The following ZMYM5 variants were observed in gnomAD, a reference collection of about 807,000 sequenced individuals.
The protein encoded by ZMYM5 is zinc finger MYM-type containing 5, also known as zinc finger MYM-type protein 5.
Under a neutral mutation model 61.8 loss-of-function variants are expected in ZMYM5, and 41 were observed. The ratio of observed to expected loss-of-function variants is 0.66; its 90% CI spans 0.52 to 0.86. The LOEUF is 0.86. Ranked by LOEUF, ZMYM5 falls within the 40% of genes least tolerant of loss-of-function variation. The pLI is 0.00. For synonymous variants in ZMYM5, 257 were observed against 276.4 expected, an observed-to-expected ratio of 0.93 and a Z score of 0.70; for missense variants, 706 against 786.7, an observed-to-expected ratio of 0.90 and a Z score of 1.23.
chr13:19,825,364 G>A (rs1402498984), intron 7 of ZMYM5, 129 bp from the exon 8 acceptor site: 4 of 895,908 alleles, frequency 4.5e-6, no homozygotes, highest in Non-Finnish European at 5.8e-6. Context: ...GACGACGACG[G>A]TCGGGTGCGG....
intron 2 of ZMYM5, among the ~76,000 whole-genome samples, chr13:19,853,608 T>C (rs567657215): frequency 9.9e-5 from 15 of 151,822 alleles, no homozygotes; most frequent in Middle Eastern, 3.4e-3. Context: ...TCAGTTTTTT[T>C]TTTCTTTCTT....
At chr13:19,825,363 G>A (rs1408992253) in intron 7 of ZMYM5, 128 bp from the exon 8 acceptor site, 7 of 890,784 alleles carry the variant, frequency 7.9e-6, no homozygotes, top group Non-Finnish European at 8.8e-6. Flanking sequence ...AGACGACGAC[G>A]GTCGGGTGCG....
chr13:19,846,538 C>T (rs979282062), intron 4 of ZMYM5, among the ~76,000 whole-genome samples: 1 of 151,820 alleles, frequency 6.6e-6, no homozygotes, highest in African/African-American at 2.4e-5. Context: ...CTCCTGAGGG[C>T]TGTGTCACTA....
intron 2 of ZMYM5, among the ~76,000 whole-genome samples, chr13:19,854,063 G>A (rs1953417988): frequency 6.6e-6 from 1 of 152,140 alleles, no homozygotes; most frequent in South Asian, 2.1e-4. Flanking sequence ...AGGCCAGAGT[G>A]CAGTGGTGCA....
At chr13:19,854,956 T>G (rs1052553315) in intron 2 of ZMYM5, among the ~76,000 whole-genome samples, 4 of 152,228 alleles carry the variant, frequency 2.6e-5, no homozygotes, top group Non-Finnish European at 4.4e-5. Context: ...TTTATTAAGA[T>G]GAGCCAATTC....
intron 2 of ZMYM5, among the ~76,000 whole-genome samples, chr13:19,852,571 A>G (rs538804418): frequency 1.3e-5 from 2 of 152,280 alleles, no homozygotes; most frequent in Admixed American, 1.3e-4. Context: ...ATATGGCCCT[A>G]TTTCCCAAGT....
chr13:19,853,052 AC>A (rs1431823853), intron 2 of ZMYM5, among the ~76,000 whole-genome samples: 1 of 152,158 alleles, frequency 6.6e-6, no homozygotes, highest in Non-Finnish European at 1.5e-5. Context: ...AGGTCTCACT[AC>A]ATTGCCCAGG....
rs768945532 is a variant in ZMYM5 at position 19,851,334 on chromosome 13, A to T, written c.586+21T>A. 3.2e-6 allele frequency: 5 copies of T among 1,586,566 alleles called. No individual in the cohort carries two copies. In the African/African-American group the frequency reaches 5.4e-5, roughly 17 times the overall value. On this transcript the variant is annotated intron_variant, in intron 4 of 7. Coordinates refer to ENST00000337963, the MANE Select transcript of ZMYM5 (RefSeq NM_001142684.2). Reference sequence around the variant, plus strand: ...AAAGGCTTATTTACTTGAGGTAGAAACAGTATCACTTACTGCTTACCAGGA... The same window carrying T: ...AAAGGCTTATTTACTTGAGGTAGAATCAGTATCACTTACTGCTTACCAGGA...
intron 4 of ZMYM5, among the ~76,000 whole-genome samples, chr13:19,840,313 G>C (rs1196686561): frequency 6.6e-6 from 1 of 152,148 alleles, no homozygotes; most frequent in East Asian, 1.9e-4. Flanking sequence ...CAGTGAGTTT[G>C]AAACCAGCCT....
chr13:19,825,738 G>T (rs1479432967), intron 7 of ZMYM5, among the ~76,000 whole-genome samples: 1 of 151,674 alleles, frequency 6.6e-6, no homozygotes, highest in African/African-American at 2.4e-5. Context: ...TATCCAAGAG[G>T]ATGACTATAA....
chr13:19,834,135 C>T (rs118163777), intron 7 of ZMYM5, among the ~76,000 whole-genome samples: 2 of 152,128 alleles, frequency 1.3e-5, no homozygotes, highest in Non-Finnish European at 2.9e-5. Flanking sequence ...AGCCACCATG[C>T]CCGGCTTATT....
At chr13:19,859,396 T>C (rs1327272230) in intron 2 of ZMYM5, among the ~76,000 whole-genome samples, 1 of 149,688 alleles carries the variant, frequency 6.7e-6, no homozygotes, top group East Asian at 1.9e-4. Context: ...CCGTTTTTTG[T>C]TTGTTTGTTT....
chr13:19,855,480 T>A (rs1953468356), intron 2 of ZMYM5, among the ~76,000 whole-genome samples: 1 of 151,198 alleles, frequency 6.6e-6, no homozygotes, highest in Non-Finnish European at 1.5e-5. Flanking sequence ...GCCAGGATGG[T>A]CTCAATCTCC....
chr13:19,833,151 T>G (rs1394827229), intron 7 of ZMYM5, among the ~76,000 whole-genome samples: 1 of 152,168 alleles, frequency 6.6e-6, no homozygotes, highest in East Asian at 1.9e-4. Context: ...CTTGCAAAAA[T>G]AAACAGAAAA....
chr13:19,849,032 G>A (rs1417314701), intron 4 of ZMYM5, among the ~76,000 whole-genome samples: 2 of 152,082 alleles, frequency 1.3e-5, no homozygotes, highest in Non-Finnish European at 2.9e-5. Context: ...CGTATTTATT[G>A]TAGCTTCAAA....
At chr13:19,851,515 A>G in intron 3 of ZMYM5, 67 bp from the exon 4 acceptor site, 1 of 1,579,238 alleles carries the variant, frequency 6.3e-7, no homozygotes, top group Non-Finnish European at 8.7e-7. Context: ...GAAGTCCTTT[A>G]GCGACATCTC....
chr13:19,826,215 G>A (rs1225245035), intron 7 of ZMYM5, among the ~76,000 whole-genome samples: 4 of 152,008 alleles, frequency 2.6e-5, no homozygotes, highest in African/African-American at 7.2e-5. Context: ...AGATGGGTAT[G>A]GTGGCAGGCG....
chr13:19,831,696 A>G (rs974484604), intron 7 of ZMYM5, among the ~76,000 whole-genome samples: 1 of 126,792 alleles, frequency 7.9e-6, no homozygotes, highest in Non-Finnish European at 1.6e-5. Flanking sequence ...GCTACTTGGG[A>G]GGCTGAGGCA....
At chr13:19,848,930 G>T (rs111575187) in intron 4 of ZMYM5, among the ~76,000 whole-genome samples, 2 of 152,082 alleles carry the variant, frequency 1.3e-5, no homozygotes, top group African/African-American at 4.8e-5. Context: ...AGAAATAAAA[G>T]AAACCTTTGG....
Sources: allele counts gnomAD v4.1 joint callset (sites outside exome capture counted in the v4.1 genomes callset), GRCh38; gene constraint gnomAD v4.1.1; transcripts MANE v1.5; gene names NCBI Gene and HGNC (gene_info 2026-07-23, HGNC 2026-07-21).